The following ESCO2 variants were observed in gnomAD, a reference collection of about 807,000 sequenced individuals.
The protein encoded by ESCO2 is establishment of sister chromatid cohesion N-acetyltransferase 2.
Under a neutral mutation model 61.7 loss-of-function variants are expected in ESCO2, and 51 were observed. The observed-to-expected ratio is 0.83, with a 90% CI of 0.66 to 1.04. The LOEUF (loss-of-function observed/expected upper bound fraction) is 1.04, where lower values mean the gene tolerates loss of function less well. Ranked by LOEUF, ESCO2 falls within the 50% of genes least tolerant of loss-of-function variation. The pLI is 0.00. For missense variants in ESCO2, 692 were observed against 686.2 expected, an observed-to-expected ratio of 1.01 and a Z score of -0.09; for synonymous variants, 230 against 238.2, an observed-to-expected ratio of 0.97 and a Z score of 0.32.
chr8:27,792,705 G>A lies in ESCO2; in HGVS notation c.1391G>A (p.Gly464Asp), dbSNP rs750284349. The change falls in exon 9 of 11, where the codon GGC becomes GAC. Residue 464 changes from glycine (G) to aspartate (D), a missense_variant. Physicochemically the swap from Gly to Asp is moderately conservative, Grantham distance 94 (BLOSUM62 -1). Transcript: ENST00000305188. Reference protein sequence around the residue: ...DVQELVDNELGFQQVVPKCPN... With the variant: ...DVQELVDNELDFQQVVPKCPN... Reference sequence around the variant, plus strand: ...CAAGAACTTGTTGATAATGAATTGGGCTTCCAGCAAGTTGTTCCTAAATGT... The same window carrying A: ...CAAGAACTTGTTGATAATGAATTGGACTTCCAGCAAGTTGTTCCTAAATGT... 11 of 1,612,488 alleles carry A rather than the reference G, an allele frequency of 6.8e-6. No individual in the cohort carries two copies. The highest frequency in any genetic ancestry group is 9.3e-6 in the Non-Finnish European group (11 of 1,179,610).
rs1805495658 is a variant in ESCO2 at position 27,803,508 on chromosome 8, C to T, written c.*70C>T. ...AGAGCTCCTTATTATAAAATACAAA[C>T]TATTTAATATCAAAATAAAAAATAC... is the stretch of plus-strand genomic sequence containing the variant. On this transcript the variant is annotated 3_prime_UTR_variant, in exon 11 of 11. Coordinates refer to ENST00000305188, the MANE Select transcript of ESCO2 (RefSeq NM_001017420.3). The T allele has an allele frequency of 6.5e-7, 1 of 1,543,146 alleles. No homozygotes were observed. Among genetic ancestry groups the T allele is most frequent in the Non-Finnish European group, 8.8e-7 (1 of 1,140,460 alleles).
downstream of ESCO2, chr8:27,810,157 A>G: frequency 4.9e-6 from 3 of 618,478 alleles, no homozygotes; most frequent in Non-Finnish European, 8.5e-6. Flanking sequence ...AGCATATTTC[A>G]TATTAGAAAT....
chr8:27,780,961 TTG>T (rs1804913556), intron 4 of ESCO2, among the ~76,000 whole-genome samples: 1 of 152,208 alleles, frequency 6.6e-6, no homozygotes, highest in African/African-American at 2.4e-5. Flanking sequence ...TTTTCATAGA[TTG>T]TGCTCAAAGC....
At chr8:27,797,932 A>G (rs1391045845) in intron 9 of ESCO2, among the ~76,000 whole-genome samples, 1 of 152,138 alleles carries the variant, frequency 6.6e-6, no homozygotes, top group East Asian at 1.9e-4. Flanking sequence ...ATGTCCTGAT[A>G]ATAGGCAAGA....
downstream of ESCO2, among the ~76,000 whole-genome samples, chr8:27,809,464 G>A (rs1449022341): frequency 6.6e-6 from 1 of 152,046 alleles, no homozygotes. Context: ...TCAGTAATTT[G>A]GAAAATTCCC....
At chr8:27,776,258 G>A (rs1411032768) in intron 2 of ESCO2, 104 bp from the exon 3 acceptor site, 1 of 886,780 alleles carries the variant, frequency 1.1e-6, no homozygotes, top group East Asian at 2.6e-5. Flanking sequence ...GGGGGTACAT[G>A]TATTGTTTTT....
downstream of ESCO2, among the ~76,000 whole-genome samples, chr8:27,815,735 A>G (rs991881389): frequency 2.0e-5 from 3 of 152,246 alleles, no homozygotes; most frequent in Non-Finnish European, 4.4e-5. Context: ...TCGAACCACA[A>G]GTGCATTTCC....
At chr8:27,799,250 G>A (rs1001038749) in intron 9 of ESCO2, among the ~76,000 whole-genome samples, 2 of 152,128 alleles carry the variant, frequency 1.3e-5, no homozygotes, top group African/African-American at 4.8e-5. Flanking sequence ...TGGAGAGAAT[G>A]AGAGAGTTTT....
intron 5 of ESCO2, among the ~76,000 whole-genome samples, chr8:27,785,779 T>G (rs1310224396): frequency 6.6e-6 from 1 of 152,144 alleles, no homozygotes; most frequent in Admixed American, 6.5e-5. Context: ...AAAACGTCAG[T>G]TATCAGCAAT....
rs111916515 is a variant in ESCO2 at position 27,799,817 on chromosome 8, CAGTATAAATACTATTAA to C, written c.1673+105_1673+121del. On this transcript the variant is annotated intron_variant, in intron 10 of 10. Coordinates refer to ENST00000305188, the MANE Select transcript of ESCO2 (RefSeq NM_001017420.3). ...AGGGAAGGATATTGGTAAGATACTT[CAGTATAAATACTATTAA>C]AGTCAGGCTAAGGAAGGTATTGGTA... is the stretch of plus-strand genomic sequence containing the variant. 5,415 of 1,353,904 alleles carry C rather than the reference CAGTATAAATACTATTAA, an allele frequency of 4.0e-3. 182 individuals carry two copies. The African/African-American group carries it at 0.068, about 17-fold the overall frequency. 83.9% of individuals were successfully genotyped at this position (1,353,904 alleles called of 1,614,324 possible).
At chr8:27,775,668 C>G in intron 2 of ESCO2, 101 bp downstream of exon 2, 1 of 1,004,396 alleles carries the variant, frequency 1.0e-6, no homozygotes, top group Non-Finnish European at 1.6e-6. Flanking sequence ...CACTAGCCTA[C>G]TCCTTGTGGC....
rs1805082639 is a variant in ESCO2 at position 27,787,895 on chromosome 8, G to A, written c.1024G>A (p.Glu342Lys). Residue 342 changes from glutamate to lysine, a missense_variant, in exon 6 of 11, where the codon GAA becomes AAA. By Grantham distance (56) the Glu-to-Lys change is moderately conservative (BLOSUM62 1). Coordinates refer to ENST00000305188, the MANE Select transcript of ESCO2 (RefSeq NM_001017420.3). ...SSVNSKRSLG[E>K]EQFSVGSVNF... ...ACTTTCTGTGTCAAGATCTTTAGGT[G>A]AAGAACAGTTTTCTGTGGGATCTGT... The A allele has an allele frequency of 1.2e-6, 2 of 1,612,284 alleles. No individual in the cohort carries two copies. Among genetic ancestry groups the A allele is most frequent in the African/African-American group, 2.7e-5 (2 of 75,006 alleles).
At chr8:27,809,079 C>G (rs1011301992), downstream of ESCO2, among the ~76,000 whole-genome samples, 1 of 152,132 alleles carries the variant, frequency 6.6e-6, no homozygotes, top group Non-Finnish European at 1.5e-5. Flanking sequence ...AGTCTTAAAG[C>G]AGGAACTGCT....
At chr8:27,791,125 A>G (rs1805166268) in intron 7 of ESCO2, among the ~76,000 whole-genome samples, 3 of 152,250 alleles carry the variant, frequency 2.0e-5, no homozygotes, top group Admixed American at 6.5e-5. Flanking sequence ...GGAACTTAGT[A>G]TAGCACATAC....
Position 27,791,991 on chromosome 8 carries a change from A to T in ESCO2, c.1292A>T (p.Glu431Val). 1 of 1,614,108 alleles carries T rather than the reference A, an allele frequency of 6.2e-7. No individual in the cohort carries two copies. The highest frequency in any genetic ancestry group is 2.2e-5 in the East Asian group (1 of 44,866). ...VGWKKERVVAEFWDGKIVLVL... is the reference protein window; with the variant it reads ...VGWKKERVVAVFWDGKIVLVL... ...TGGAAGAAAGAACGTGTAGTAGCAG[A>T]GTTTTGGGATGGGAAAATCGTGTTG... Residue 431 changes from glutamate to valine, a missense_variant, in exon 8 of 11, where the codon GAG becomes GTG. Transcript: ENST00000305188.
downstream of ESCO2, chr8:27,810,351 C>A (rs776800823): frequency 2.2e-5 from 35 of 1,612,918 alleles, 1 homozygote; most frequent in South Asian, 3.8e-4. Flanking sequence ...AGCAGAAGGA[C>A]GATCTTTAGG....
Position 27,776,780 on chromosome 8 carries a change from G to GT in ESCO2, c.473dup (p.Ser159IlefsTer5), listed in dbSNP as rs1563468831. ...ACCAAAGTATAGACACATCAAGCCT[G>GT]TATCAAGGAATTCTAGAAATTCCAA... On this transcript the variant is annotated frameshift_variant, in exon 3 of 11. Coordinates refer to ENST00000305188, the MANE Select transcript of ESCO2 (RefSeq NM_001017420.3). LOFTEE classifies it high-confidence loss of function. 6.2e-7 allele frequency: 1 copy of GT among 1,614,006 alleles called. No individual in the cohort carries two copies. Among genetic ancestry groups the GT allele is most frequent in the Non-Finnish European group, 8.5e-7 (1 of 1,180,022 alleles).
At chr8:27,797,212 C>G (rs930819319) in intron 9 of ESCO2, among the ~76,000 whole-genome samples, 7 of 152,138 alleles carry the variant, frequency 4.6e-5, no homozygotes, top group Non-Finnish European at 1.0e-4. Flanking sequence ...TTTTGTATTC[C>G]TATCTATTTC....
At chr8:27,812,835 G>T (rs1805720097), downstream of ESCO2, among the ~76,000 whole-genome samples, 1 of 152,144 alleles carries the variant, frequency 6.6e-6, no homozygotes, top group African/African-American at 2.4e-5. Flanking sequence ...TGCTGGAGAG[G>T]ATGTGGAGAA....
Sources: gnomAD v4.1 joint callset for allele counts (sites outside exome capture counted in the v4.1 genomes callset) on GRCh38, gnomAD v4.1.1 for gene constraint, MANE v1.5 for transcripts, NCBI Gene and HGNC (gene_info 2026-07-23, HGNC 2026-07-21) for gene names.